The following RAB27B variants were observed in gnomAD, a reference collection of about 807,000 sequenced individuals.
RAB27B encodes the protein RAB27B, member RAS oncogene family.
In RAB27B, 15 loss-of-function variants were observed where a neutral mutation model predicts 24.6. The observed-to-expected ratio is 0.61, with a 90% CI of 0.41 to 0.94. The LOEUF (loss-of-function observed/expected upper bound fraction) is 0.94. RAB27B is among the 40% of genes least tolerant of loss of function. The pLI is 0.00. For synonymous variants in RAB27B, 105 were observed against 92.5 expected (o/e 1.14, Z -0.78); for missense variants, 261 against 266.8 (o/e 0.98, Z 0.15).
intron 2 of RAB27B, among the ~76,000 whole-genome samples, chr18:54,799,115 A>T (rs1174219855): frequency 6.6e-6 from 1 of 152,226 alleles, no homozygotes; most frequent in African/African-American, 2.4e-5. Flanking sequence ...TAAAAATTAA[A>T]CTTTGTGTAA....
chr18:54,792,807 G>A (rs935870780), intron 2 of RAB27B, among the ~76,000 whole-genome samples: 5 of 152,182 alleles, frequency 3.3e-5, no homozygotes, highest in African/African-American at 1.2e-4. Context: ...GTATTCTAAA[G>A]TTCCGGTAGT....
intron 2 of RAB27B, among the ~76,000 whole-genome samples, chr18:54,740,079 C>T (rs781706942): frequency 6.6e-6 from 1 of 152,110 alleles, no homozygotes; most frequent in African/African-American, 2.4e-5. Context: ...TTGATATAGT[C>T]CCACTTACCT....
intron 1 of RAB27B, among the ~76,000 whole-genome samples, chr18:54,848,368 CT>C (rs1302516809): frequency 6.6e-6 from 1 of 152,022 alleles, no homozygotes; most frequent in East Asian, 1.9e-4. Flanking sequence ...GGTCTTGGTC[CT>C]TTATATCATT....
At chr18:54,804,817 T>C (rs1000186139) in intron 2 of RAB27B, among the ~76,000 whole-genome samples, 3 of 151,968 alleles carry the variant, frequency 2.0e-5, no homozygotes, top group Non-Finnish European at 4.4e-5. Context: ...GTCACTCTTT[T>C]TATATATCTT....
chr18:54,835,670 T>C (rs905849808), intron 1 of RAB27B, among the ~76,000 whole-genome samples: 2 of 152,024 alleles, frequency 1.3e-5, no homozygotes, highest in Non-Finnish European at 2.9e-5. Flanking sequence ...GTTTGAAAAG[T>C]CTATTCTTTA....
chr18:54,759,952 A>G (rs1330082151), intron 2 of RAB27B, among the ~76,000 whole-genome samples: 3 of 152,148 alleles, frequency 2.0e-5, no homozygotes, highest in African/African-American at 7.2e-5. Context: ...ACCATCTTCA[A>G]TTTGTTCCTG....
intron 2 of RAB27B, among the ~76,000 whole-genome samples, chr18:54,762,073 C>T (rs556487758): frequency 3.3e-5 from 5 of 152,144 alleles, no homozygotes; most frequent in African/African-American, 7.2e-5. Flanking sequence ...TGGAGTAATG[C>T]GTCTACAAGC....
intron 2 of RAB27B, among the ~76,000 whole-genome samples, chr18:54,783,481 TTGTGTGTGTG>T (rs34288200): frequency 1.3e-5 from 2 of 149,674 alleles, no homozygotes; most frequent in South Asian, 2.1e-4. Context: ...GCCTATGGCT[TTGTGTGTGTG>T]TGTGTGTGTG....
intron 2 of RAB27B, among the ~76,000 whole-genome samples, chr18:54,729,368 G>T (rs9953778): frequency 0.061 from 9,309 of 152,182 alleles, 360 homozygotes; most frequent in African/African-American, 0.086. Flanking sequence ...TCCTGAAAAA[G>T]GCCGGAAGGA....
At chr18:54,841,358 G>A (rs1336591294) in intron 1 of RAB27B, among the ~76,000 whole-genome samples, 1 of 152,078 alleles carries the variant, frequency 6.6e-6, no homozygotes, top group South Asian at 2.1e-4. Flanking sequence ...TAGTTACATA[G>A]CATTTACATT....
chr18:54,836,506 C>T (rs1275360808), intron 1 of RAB27B, among the ~76,000 whole-genome samples: 1 of 151,682 alleles, frequency 6.6e-6, no homozygotes, highest in Non-Finnish European at 1.5e-5. Context: ...AAATCAATAT[C>T]GTAAATATTG....
chr18:54,843,604 A>G (rs1911204630), intron 1 of RAB27B, among the ~76,000 whole-genome samples: 1 of 152,204 alleles, frequency 6.6e-6, no homozygotes. Context: ...TTCCGGCTGC[A>G]TATCAGCTGG....
intron 1 of RAB27B, among the ~76,000 whole-genome samples, chr18:54,830,126 A>G (rs1910618484): frequency 6.6e-6 from 1 of 152,238 alleles, no homozygotes; most frequent in Admixed American, 6.5e-5. Flanking sequence ...CCCCTTTCTC[A>G]TAGGTCATTT....
At chr18:54,804,937 T>C in intron 2 of RAB27B, among the ~76,000 whole-genome samples, 1 of 99,870 alleles carries the variant, frequency 1.0e-5, no homozygotes. Context: ...TTTCTTTCTT[T>C]CTTTCTTTCT....
intron 2 of RAB27B, among the ~76,000 whole-genome samples, chr18:54,793,609 T>C (rs968728846): frequency 6.6e-5 from 10 of 152,234 alleles, no homozygotes; most frequent in South Asian, 2.1e-4. Flanking sequence ...TTGTGTTATG[T>C]TTGAAATAAC....
exon 2 of RAB27B, chr18:54,718,070 A>T (rs1238798929): frequency 6.6e-6 from 1 of 152,152 alleles, no homozygotes; most frequent in Admixed American, 6.5e-5. Context: ...TCCACAGCTG[A>T]TCGAAGCAAC....
intron 4 of RAB27B, among the ~76,000 whole-genome samples, chr18:54,885,253 T>C (rs1310522750): frequency 6.6e-6 from 1 of 152,214 alleles, no homozygotes; most frequent in Non-Finnish European, 1.5e-5. Flanking sequence ...GCTCTTATCA[T>C]TTCCAGATTT....
chr18:54,775,929 G>A (rs1334065543), intron 2 of RAB27B, among the ~76,000 whole-genome samples: 1 of 152,212 alleles, frequency 6.6e-6, no homozygotes, highest in East Asian at 1.9e-4. Flanking sequence ...AGGAAGTGTG[G>A]TGATGTCATA....
chr18:54,740,559 A>G (rs1183593776), intron 2 of RAB27B, among the ~76,000 whole-genome samples: 1 of 152,214 alleles, frequency 6.6e-6, no homozygotes, highest in Non-Finnish European at 1.5e-5. Flanking sequence ...ACAGCTTGAC[A>G]GTGGAATGTC....
Sources: allele counts gnomAD v4.1 joint callset (sites outside exome capture counted in the v4.1 genomes callset), GRCh38; gene constraint gnomAD v4.1.1; transcripts MANE v1.5; gene names NCBI Gene and HGNC (gene_info 2026-07-23, HGNC 2026-07-21).